Variants in AKAP6 observed in about 807,000 individuals in gnomAD.
AKAP6 encodes the protein A-kinase anchor protein 6.
In AKAP6, 58 loss-of-function variants were observed where a neutral mutation model predicts 188.5. The observed-to-expected ratio is 0.31, with a 90% CI of 0.25 to 0.38. The LOEUF (loss-of-function observed/expected upper bound fraction) is 0.38, where lower values mean the gene tolerates loss of function less well. Ranked by LOEUF, AKAP6 falls within the 10% of genes least tolerant of loss-of-function variation. AKAP6 has a pLI of 1.00. For missense variants in AKAP6, 2,710 were observed against 2,740.0 expected (o/e 0.99, Z 0.24); for synonymous variants, 989 against 998.6 (o/e 0.99, Z 0.18).
chr14:32,516,780 C>T (rs1324833849), intron 2 of AKAP6, among the ~76,000 whole-genome samples: 5 of 152,026 alleles, frequency 3.3e-5, no homozygotes, highest in Non-Finnish European at 7.4e-5. Context: ...CATGTTTTTC[C>T]TAGCTCTATT....
intron 8 of AKAP6, among the ~76,000 whole-genome samples, chr14:32,684,293 G>C (rs1465675075): frequency 6.6e-6 from 1 of 152,144 alleles, no homozygotes; most frequent in Admixed American, 6.5e-5. Flanking sequence ...TTTAAGGAAT[G>C]CTTATTTTAA....
intron 1 of AKAP6, among the ~76,000 whole-genome samples, chr14:32,361,176 C>T (rs1048224698): frequency 5.3e-5 from 8 of 151,634 alleles, no homozygotes; most frequent in South Asian, 2.1e-4. Flanking sequence ...GAGGGGAATG[C>T]GGAGGATGAG....
intron 1 of AKAP6, chr14:32,433,120 C>G (rs892482657): frequency 4.9e-6 from 1 of 202,386 alleles, no homozygotes; most frequent in Non-Finnish European, 1.0e-5. Context: ...ATGGCCACAC[C>G]TAGCTGCAAG....
At chr14:32,742,261 TC>T (rs1317607608) in intron 11 of AKAP6, among the ~76,000 whole-genome samples, 2 of 151,938 alleles carry the variant, frequency 1.3e-5, no homozygotes, top group African/African-American at 4.8e-5. Context: ...GGATCTTCTC[TC>T]TTTTTCTTAG....
At chr14:32,523,716 C>A (rs781177062) in intron 2 of AKAP6, among the ~76,000 whole-genome samples, 10 of 151,406 alleles carry the variant, frequency 6.6e-5, no homozygotes, top group Non-Finnish European at 1.3e-4. Flanking sequence ...GATCTGCCGG[C>A]CTCAGCCTCT....
intron 2 of AKAP6, among the ~76,000 whole-genome samples, chr14:32,450,420 G>T (rs1890900193): frequency 6.6e-6 from 1 of 151,870 alleles, no homozygotes; most frequent in Non-Finnish European, 1.5e-5. Context: ...TTTGGTTTTG[G>T]TCATTAAAAC....
chr14:32,540,935 G>C (rs1280767132), intron 3 of AKAP6, among the ~76,000 whole-genome samples: 4 of 151,692 alleles, frequency 2.6e-5, no homozygotes, highest in African/African-American at 9.7e-5. Context: ...CCCCGTGAGG[G>C]ATAAAAGACT....
intron 9 of AKAP6, among the ~76,000 whole-genome samples, chr14:32,706,764 C>T (rs1890828320): frequency 6.6e-6 from 1 of 152,056 alleles, no homozygotes; most frequent in Non-Finnish European, 1.5e-5. Context: ...AAGGAGTGGT[C>T]TTCCTGCTGA....
intron 2 of AKAP6, among the ~76,000 whole-genome samples, chr14:32,437,678 C>A (rs928717541): frequency 6.6e-6 from 1 of 152,026 alleles, no homozygotes; most frequent in Non-Finnish European, 1.5e-5. Context: ...CTCACTGCAA[C>A]CTTTGACCCT....
intron 11 of AKAP6, among the ~76,000 whole-genome samples, chr14:32,745,481 CTCT>C: frequency 7.1e-6 from 1 of 140,512 alleles, no homozygotes; most frequent in Non-Finnish European, 1.5e-5. Flanking sequence ...CTCTCTCTCT[CTCT>C]CTCTCTCTCT....
chr14:32,501,911 T>TA (rs2138986524), intron 2 of AKAP6, among the ~76,000 whole-genome samples: 1 of 152,294 alleles, frequency 6.6e-6, no homozygotes, highest in South Asian at 2.1e-4. Context: ...AGTATCCTAT[T>TA]ACTTCTGTTT....
intron 4 of AKAP6, among the ~76,000 whole-genome samples, chr14:32,554,856 A>G (rs751069542): frequency 2.0e-5 from 3 of 152,138 alleles, no homozygotes; most frequent in Non-Finnish European, 4.4e-5. Context: ...CGCCTCTCAC[A>G]TTTTGGGCTT....
intron 11 of AKAP6, among the ~76,000 whole-genome samples, chr14:32,757,963 T>C (rs1203068293): frequency 2.6e-5 from 4 of 152,182 alleles, no homozygotes; most frequent in Non-Finnish European, 5.9e-5. Context: ...ATGGAAGAAA[T>C]TCCTGTGTTG....
chr14:32,795,443 A>C (rs528066310), intron 12 of AKAP6, among the ~76,000 whole-genome samples: 85 of 152,290 alleles, frequency 5.6e-4, no homozygotes, highest in Non-Finnish European at 1.1e-3. Context: ...TATCCACCAC[A>C]ATCAAGTCAC....
At chr14:32,400,129 G>A (rs1373315331) in intron 1 of AKAP6, among the ~76,000 whole-genome samples, 1 of 152,002 alleles carries the variant, frequency 6.6e-6, no homozygotes, top group Non-Finnish European at 1.5e-5. Context: ...CCCACATGAG[G>A]GCAGGTCTGT....
intron 2 of AKAP6, among the ~76,000 whole-genome samples, chr14:32,521,912 G>A (rs1881855800): frequency 6.6e-6 from 1 of 152,194 alleles, no homozygotes; most frequent in Non-Finnish European, 1.5e-5. Flanking sequence ...CAAAGCTGGA[G>A]ACATCATGCT....
chr14:32,457,225 A>AGTAG (rs1295586325), intron 2 of AKAP6, among the ~76,000 whole-genome samples: 6 of 152,326 alleles, frequency 3.9e-5, no homozygotes, highest in African/African-American at 1.4e-4. Context: ...GTATCTACTG[A>AGTAG]GTAGGGCCTG....
intron 9 of AKAP6, among the ~76,000 whole-genome samples, chr14:32,701,655 A>G (rs1306490945): frequency 6.6e-6 from 1 of 152,186 alleles, no homozygotes; most frequent in East Asian, 1.9e-4. Flanking sequence ...ATTGATATCA[A>G]AATGATGTCA....
intron 11 of AKAP6, among the ~76,000 whole-genome samples, chr14:32,760,728 A>G (rs1208223392): frequency 6.6e-6 from 1 of 152,162 alleles, no homozygotes; most frequent in Non-Finnish European, 1.5e-5. Flanking sequence ...ATGGTCTTGA[A>G]AAATTCTCCT....
Sources: allele counts gnomAD v4.1 joint callset (sites outside exome capture counted in the v4.1 genomes callset), GRCh38; gene constraint gnomAD v4.1.1; transcripts MANE v1.5; gene names NCBI Gene and HGNC (gene_info 2026-07-23, HGNC 2026-07-21).